The following NLGN1 variants were observed in gnomAD, a reference collection of about 807,000 sequenced individuals.
NLGN1 encodes the protein neuroligin 1.
In NLGN1, 12 loss-of-function variants were observed where a neutral mutation model predicts 65.5. That is an observed-to-expected ratio of 0.18 (90% confidence interval 0.12 to 0.30). The LOEUF is 0.30. NLGN1 is among the 10% of genes least tolerant of loss of function. The pLI, the probability that NLGN1 is intolerant of heterozygous loss-of-function variation, is 1.00. For synonymous variants in NLGN1, 350 were observed against 359.5 expected (o/e 0.97, Z 0.30); for missense variants, 750 against 1,007.1 (o/e 0.74, Z 3.46).
At chr3:173,570,806 C>T (rs1411275172) in intron 2 of NLGN1, among the ~76,000 whole-genome samples, 3 of 152,156 alleles carry the variant, frequency 2.0e-5, no homozygotes, top group Non-Finnish European at 2.9e-5. Context: ...CAGGTTCAAG[C>T]GATTCTTGTA....
intron 4 of NLGN1, among the ~76,000 whole-genome samples, chr3:174,066,606 G>A (rs1738670940): frequency 8.0e-6 from 1 of 125,424 alleles, no homozygotes; most frequent in Non-Finnish European, 1.6e-5. Flanking sequence ...CATAATTTTG[G>A]TTGGTTTTAG....
At chr3:173,826,530 C>G (rs1179989180) in intron 4 of NLGN1, among the ~76,000 whole-genome samples, 1 of 152,104 alleles carries the variant, frequency 6.6e-6, no homozygotes, top group Non-Finnish European at 1.5e-5. Flanking sequence ...ATTTTCATGT[C>G]TGATTTCTCA....
intron 4 of NLGN1, among the ~76,000 whole-genome samples, chr3:174,146,107 T>A (rs1384293356): frequency 8.3e-6 from 1 of 119,864 alleles, no homozygotes; most frequent in Non-Finnish European, 1.7e-5. Flanking sequence ...CTTCCTTCCT[T>A]CCTTCCTTCC....
At chr3:173,776,419 A>C (rs1560345721) in intron 3 of NLGN1, among the ~76,000 whole-genome samples, 1 of 151,998 alleles carries the variant, frequency 6.6e-6, no homozygotes, top group Non-Finnish European at 1.5e-5. Context: ...CATTTTAATT[A>C]TTTAACATTA....
At chr3:174,160,165 T>C (rs760858915) in intron 4 of NLGN1, among the ~76,000 whole-genome samples, 1 of 151,758 alleles carries the variant, frequency 6.6e-6, no homozygotes, top group Non-Finnish European at 1.5e-5. Context: ...TCAGTTTTTA[T>C]TTCAAATAGT....
intron 2 of NLGN1, among the ~76,000 whole-genome samples, chr3:173,589,041 G>A (rs1279535567): frequency 6.6e-6 from 1 of 152,152 alleles, no homozygotes; most frequent in Non-Finnish European, 1.5e-5. Context: ...TACTACTGAT[G>A]TAAATTCAAA....
At chr3:173,930,435 A>G (rs1743884434) in intron 4 of NLGN1, among the ~76,000 whole-genome samples, 1 of 152,180 alleles carries the variant, frequency 6.6e-6, no homozygotes, top group Admixed American at 6.5e-5. Flanking sequence ...GCCCGCTGTG[A>G]AGGGAAGTCT....
intron 4 of NLGN1, among the ~76,000 whole-genome samples, chr3:173,932,869 A>T (rs1292389038): frequency 6.6e-6 from 1 of 152,140 alleles, no homozygotes; most frequent in Non-Finnish European, 1.5e-5. Context: ...CTGCCCCAGG[A>T]GGTGCTGTAT....
At chr3:173,524,177 C>T (rs1181120902) in intron 2 of NLGN1, among the ~76,000 whole-genome samples, 116 of 151,980 alleles carry the variant, frequency 7.6e-4, no homozygotes, top group African/African-American at 2.7e-3. Flanking sequence ...CTGCCCGCCT[C>T]AGCCTCCCAA....
At chr3:173,720,482 T>G (rs1422674491) in intron 3 of NLGN1, among the ~76,000 whole-genome samples, 1 of 152,190 alleles carries the variant, frequency 6.6e-6, no homozygotes, top group African/African-American at 2.4e-5. Flanking sequence ...CAACTTCCAG[T>G]ATATCACACA....
intron 4 of NLGN1, among the ~76,000 whole-genome samples, chr3:174,016,031 A>T (rs9813124): frequency 0.27 from 41,317 of 152,080 alleles, 6,842 homozygotes; most frequent in African/African-American, 0.46. Context: ...CAGAATTCTA[A>T]ATAAAATAGC....
chr3:173,721,301 C>T (rs1022559935), intron 3 of NLGN1, among the ~76,000 whole-genome samples: 3 of 152,232 alleles, frequency 2.0e-5, no homozygotes, highest in African/African-American at 7.2e-5. Context: ...AAAAGTACAT[C>T]ACAAAATTTG....
chr3:174,219,284 G>A (rs1738207119), intron 4 of NLGN1, among the ~76,000 whole-genome samples: 1 of 152,058 alleles, frequency 6.6e-6, no homozygotes, highest in Non-Finnish European at 1.5e-5. Flanking sequence ...CATAAACTGG[G>A]TTTGGATCCT....
intron 4 of NLGN1, among the ~76,000 whole-genome samples, chr3:174,108,693 G>A (rs1220069685): frequency 4.6e-5 from 7 of 152,070 alleles, no homozygotes; most frequent in Non-Finnish European, 1.0e-4. Context: ...GGGGAGTTCT[G>A]GCTAAACCAA....
At chr3:173,616,953 A>T (rs769617892) in intron 3 of NLGN1, among the ~76,000 whole-genome samples, 2 of 151,978 alleles carry the variant, frequency 1.3e-5, no homozygotes, top group Non-Finnish European at 2.9e-5. Context: ...CTACGTAGTA[A>T]CTCTTGTCTG....
intron 4 of NLGN1, among the ~76,000 whole-genome samples, chr3:174,030,857 A>G (rs1291505863): frequency 6.6e-6 from 1 of 152,194 alleles, no homozygotes; most frequent in African/African-American, 2.4e-5. Context: ...ACCAAATTAG[A>G]TATCTCTAGA....
chr3:174,236,928 T>C (rs933175123), intron 4 of NLGN1, among the ~76,000 whole-genome samples: 1 of 152,112 alleles, frequency 6.6e-6, no homozygotes, highest in African/African-American at 2.4e-5. Context: ...CTATATACAC[T>C]CTGCTTCTAA....
intron 3 of NLGN1, among the ~76,000 whole-genome samples, chr3:173,773,529 T>G (rs9834222): frequency 6.6e-6 from 1 of 152,306 alleles, no homozygotes; most frequent in South Asian, 2.1e-4. Flanking sequence ...TGATTTTAAC[T>G]TACCTGTTTG....
chr3:174,231,831 G>A (rs529005895), intron 4 of NLGN1, among the ~76,000 whole-genome samples: 2 of 152,220 alleles, frequency 1.3e-5, no homozygotes, highest in East Asian at 1.9e-4. Flanking sequence ...ACTCTGCAAG[G>A]TTCCTCTCCT....
Sources: gnomAD v4.1 joint callset for allele counts (sites outside exome capture counted in the v4.1 genomes callset) on GRCh38, gnomAD v4.1.1 for gene constraint, MANE v1.5 for transcripts, NCBI Gene and HGNC (gene_info 2026-07-23, HGNC 2026-07-21) for gene names.